The following MAP3K4 variants were observed in gnomAD, a reference collection of about 807,000 sequenced individuals.
MAP3K4 encodes mitogen-activated protein kinase kinase kinase 4, also known as MAP three kinase 1.
A neutral mutation model predicts 185.6 loss-of-function variants in MAP3K4; 67 were observed. That is an observed-to-expected ratio of 0.36 (90% confidence interval 0.30 to 0.44). The LOEUF is 0.44. MAP3K4 is among the 20% of genes least tolerant of loss of function. The pLI is 1.00. For synonymous variants in MAP3K4, 702 were observed against 710.4 expected, an observed-to-expected ratio of 0.99 and a Z score of 0.19; for missense variants, 1,551 against 1,995.1, an observed-to-expected ratio of 0.78 and a Z score of 4.24.
At position 161,086,769 on chromosome 6, in the gene MAP3K4, C is replaced by A; in HGVS notation, c.2556+102C>A. 1.2e-6 allele frequency: 1 copy of A among 846,292 alleles called. No homozygotes were observed. The highest frequency in any genetic ancestry group is 1.7e-5 in the African/African-American group (1 of 58,430). The allele number at this position is 846,292 out of a possible 1,614,324, so 52.4% of individuals were successfully genotyped here. A position where few individuals can be genotyped will look rare whatever the true frequency, so the allele number is the denominator to read the frequency against. Reference sequence around the variant, plus strand: ...AGGTCCAGATAGTAAATATTACAGGCTCTGAAGGCTGTACCACAACCCCAG... The same window carrying A: ...AGGTCCAGATAGTAAATATTACAGGATCTGAAGGCTGTACCACAACCCCAG... On this transcript the variant is annotated intron_variant, in intron 9 of 26. Transcript: ENST00000392142. The surrounding 1 kb of genome is among the most constrained non-coding windows in gnomAD (Gnocchi z 4.8).
Position 161,106,796 on chromosome 6 carries a change from C to T in MAP3K4, c.4048+91C>T. On this transcript the variant is annotated intron_variant, in intron 20 of 26. Transcript: ENST00000392142. The surrounding 1 kb of genome is among the most constrained non-coding windows in gnomAD (Gnocchi z 4.9). ...TTAGGTTGAATCCTATAGAGTTGGC[C>T]CTTTTTTCTTGTAGACATAGCAAGT... The T allele has an allele frequency of 9.4e-7, 1 of 1,061,128 alleles. No individual in the cohort carries two copies. Among genetic ancestry groups the T allele is most frequent in the Non-Finnish European group, 1.3e-6 (1 of 766,588 alleles). 65.7% of individuals were successfully genotyped at this position (1,061,128 alleles called of 1,614,324 possible).
At position 161,109,245 on chromosome 6, in the gene MAP3K4, A is replaced by G. The variant is rs1246701103; in HGVS notation, c.4236+386A>G. Among the ~76,000 whole-genome samples, 2 of 152,202 alleles carry G rather than the reference A, an allele frequency of 1.3e-5. No individual in the cohort carries two copies. The highest frequency in any genetic ancestry group is 2.9e-5 in the Non-Finnish European group (2 of 68,040). On this transcript the variant is annotated intron_variant, in intron 22 of 26. Coordinates refer to ENST00000392142, the MANE Select transcript of MAP3K4 (RefSeq NM_005922.4). The surrounding 1 kb of genome is among the most constrained non-coding windows in gnomAD (Gnocchi z 5.7). ...TTAGGGAGCCATTGTGAAATGAGAG[A>G]AAATTCAAACCTCAAATTGAGTTTC...
rs1285648303 is a variant in MAP3K4 at position 161,109,823 on chromosome 6, T to G, written c.4305T>G (p.Leu1435=). 1 of 1,614,098 alleles carries G rather than the reference T, an allele frequency of 6.2e-7. No homozygotes were observed. The highest frequency in any genetic ancestry group is 8.5e-7 in the Non-Finnish European group (1 of 1,180,010). ...TAGAAGAGGTGTCAAGGCTGGGACT[T>G]CAGGAACATGTGATTAGGCTGTATT... The part of the protein sequence containing the change: ...GTLEEVSRLG[L]QEHVIRLYSK... The change falls in exon 23 of 27, where the codon CTT becomes CTG. Residue 1435 remains leucine (L), a synonymous_variant. Transcript: ENST00000392142. The surrounding 1 kb of genome is among the most constrained non-coding windows in gnomAD (Gnocchi z 5.7).
At chr6:161,035,011 A>G (rs776465332) in intron 2 of MAP3K4, among the ~76,000 whole-genome samples, 2 of 152,016 alleles carry the variant, frequency 1.3e-5, no homozygotes, top group African/African-American at 4.8e-5. Context: ...AAGTCCACAT[A>G]TTGCTCTATT....
In MAP3K4 at chr6:161,101,637, C is replaced by G. The variant is rs1777843725; in HGVS notation, c.3675-255C>G. 1 of 336,250 alleles carries G rather than the reference C, an allele frequency of 3.0e-6. No homozygotes were observed. Among genetic ancestry groups the G allele is most frequent in the Admixed American group, 4.4e-5 (1 of 22,610 alleles). The allele number at this position is 336,250 out of a possible 1,614,324, so 20.8% of individuals were successfully genotyped here. On this transcript the variant is annotated intron_variant, in intron 17 of 26. Coordinates refer to ENST00000392142, the MANE Select transcript of MAP3K4 (RefSeq NM_005922.4). The surrounding 1 kb of genome is among the most constrained non-coding windows in gnomAD (Gnocchi z 5.1). Reference sequence around the variant, plus strand: ...CCAGACTCTAGAGCTCTAACAGACTCCAGAGGACGGTCTCCACAGCAGCGC... The same window carrying G: ...CCAGACTCTAGAGCTCTAACAGACTGCAGAGGACGGTCTCCACAGCAGCGC...
chr6:161,086,463 T>C lies in MAP3K4; in HGVS notation c.2457T>C (p.Ala819=), dbSNP rs1321613900. The C allele has an allele frequency of 1.9e-6, 3 of 1,614,016 alleles. No individual in the cohort carries two copies. Among genetic ancestry groups the C allele is most frequent in the African/African-American group, 2.7e-5 (2 of 75,060 alleles). Residue 819 remains alanine (A), a synonymous_variant, in exon 8 of 27, where the codon GCT becomes GCC. Coordinates refer to ENST00000392142, the MANE Select transcript of MAP3K4 (RefSeq NM_005922.4). The surrounding 1 kb of genome is among the most constrained non-coding windows in gnomAD (Gnocchi z 4.8). Reference sequence around the variant, plus strand: ...GGGCTTCCAAAGCACTTGGATTTGCTAAAATGTTGAGAAAGGTGAGCTTGC... The same window carrying C: ...GGGCTTCCAAAGCACTTGGATTTGCCAAAATGTTGAGAAAGGTGAGCTTGC... ...RERASKALGF[A]KMLRKDLEIA...
rs1000664856 is a variant in MAP3K4, at chr6:161,070,230, G to A, written c.1708-378G>A. Among the ~76,000 whole-genome samples the A allele has an allele frequency of 1.3e-5, 2 of 151,990 alleles. No homozygotes were observed. Reference sequence around the variant, plus strand: ...TTTCTCTAATTTCAGTAATTCTCTGGTTTTTTTCCCAGTCTAGAGATAGTT... The same window carrying A: ...TTTCTCTAATTTCAGTAATTCTCTGATTTTTTTCCCAGTCTAGAGATAGTT... On this transcript the variant is annotated intron_variant, in intron 3 of 26. Coordinates refer to ENST00000392142, the MANE Select transcript of MAP3K4 (RefSeq NM_005922.4). This position sits in a 1 kb window ranked among gnomAD's most constrained non-coding sequence, Gnocchi z 4.5.
Position 161,080,609 on chromosome 6 carries a change from T to G in MAP3K4, c.2098-272T>G. Reference sequence around the variant, plus strand: ...TGTTCTTTTGATTTTTTCCCCTTTATTGTAGATTGTGAACATTTTTGTTGT... The same window carrying G: ...TGTTCTTTTGATTTTTTCCCCTTTAGTGTAGATTGTGAACATTTTTGTTGT... On this transcript the variant is annotated intron_variant, in intron 5 of 26. Coordinates refer to ENST00000392142, the MANE Select transcript of MAP3K4 (RefSeq NM_005922.4). This position sits in a 1 kb window ranked among gnomAD's most constrained non-coding sequence, Gnocchi z 4.8. 2.5e-6 allele frequency: 1 copy of G among 392,158 alleles called. No individual in the cohort carries two copies. The highest frequency in any genetic ancestry group is 2.5e-5 in the South Asian group (1 of 40,124). 24.3% of individuals were successfully genotyped at this position (392,158 alleles called of 1,614,324 possible).
rs920792116 is a variant in MAP3K4, at chr6:161,098,606, G to A, written c.3674+179G>A. ...CAGAGGCTCTGGCACTGACCAACACGAATGGATAACTGTCTGATGTCAGTA... is the reference window on the plus strand; with the variant it reads ...CAGAGGCTCTGGCACTGACCAACACAAATGGATAACTGTCTGATGTCAGTA... On this transcript the variant is annotated intron_variant, in intron 17 of 26. Coordinates refer to ENST00000392142, the MANE Select transcript of MAP3K4 (RefSeq NM_005922.4). The surrounding 1 kb of genome is among the most constrained non-coding windows in gnomAD (Gnocchi z 4.4). Among the ~76,000 whole-genome samples, 25 of 152,206 alleles carry A rather than the reference G, an allele frequency of 1.6e-4. No individual in the cohort carries two copies. Among genetic ancestry groups the A allele is most frequent in the African/African-American group, 5.5e-4 (23 of 41,450 alleles).
At chr6:161,072,878 A>G (rs920873451) in intron 4 of MAP3K4, among the ~76,000 whole-genome samples, 4 of 152,092 alleles carry the variant, frequency 2.6e-5, no homozygotes, top group African/African-American at 9.7e-5. Context: ...TATATATTGC[A>G]AATTTGCCCA....
chr6:161,003,453 A>AT (rs1176884606), intron 1 of MAP3K4, among the ~76,000 whole-genome samples: 25 of 152,298 alleles, frequency 1.6e-4, no homozygotes, highest in African/African-American at 5.5e-4. Flanking sequence ...AGTCTCATGA[A>AT]TTTATCTTCT....
At chr6:161,105,558 T>C (rs1778028798) in intron 19 of MAP3K4, among the ~76,000 whole-genome samples, 1 of 152,188 alleles carries the variant, frequency 6.6e-6, no homozygotes. Flanking sequence ...ATCCTTCTCA[T>C]CAGAGATGGC....
chr6:161,104,709 C>CAAAAA (rs10688556), intron 19 of MAP3K4, among the ~76,000 whole-genome samples: 8 of 121,592 alleles, frequency 6.6e-5, no homozygotes, highest in African/African-American at 2.2e-4. Context: ...GACTCCATCT[C>CAAAAA]AAAAAAAAAA....
At chr6:161,024,753 T>G (rs1407536768) in intron 1 of MAP3K4, among the ~76,000 whole-genome samples, 1 of 152,198 alleles carries the variant, frequency 6.6e-6, no homozygotes, top group Non-Finnish European at 1.5e-5. Flanking sequence ...ATGTTAAGCT[T>G]GATCGCCTGT....
chr6:161,080,707 C>T lies in MAP3K4; in HGVS notation c.2098-174C>T. The T allele has an allele frequency of 1.8e-6, 1 of 546,262 alleles. No individual in the cohort carries two copies. The highest frequency in any genetic ancestry group is 3.2e-6 in the Non-Finnish European group (1 of 310,970). The allele number at this position is 546,262 out of a possible 1,614,324, so 33.8% of individuals were successfully genotyped here. A position where few individuals can be genotyped will look rare whatever the true frequency, so the allele number is the denominator to read the frequency against. On this transcript the variant is annotated intron_variant, in intron 5 of 26. Transcript: ENST00000392142. This position sits in a 1 kb window ranked among gnomAD's most constrained non-coding sequence, Gnocchi z 4.8. ...TAGTTTTGTGATTTTTTAAAAAATC[C>T]TCATTTAGACCTCAGCTAACAGTGG...
chr6:161,010,229 C>T (rs1255191974), intron 1 of MAP3K4, among the ~76,000 whole-genome samples: 1 of 152,038 alleles, frequency 6.6e-6, no homozygotes, highest in Non-Finnish European at 1.5e-5. Context: ...CTATATGCAC[C>T]ACATGAGATG....
At position 161,025,597 on chromosome 6, in the gene MAP3K4, G is replaced by T. The variant is rs138658715; in HGVS notation, c.153-8662G>T. 1.2e-4 allele frequency among the ~76,000 whole-genome samples: 18 copies of T among 152,280 alleles called. No individual in the cohort carries two copies. The East Asian group carries it at 3.3e-3, about 28-fold the overall frequency. ...AGTAACTTCAGCTAAGGAGATCCAG[G>T]CAGCTCATCTGTCCCCTACAGAGAT... On this transcript the variant is annotated intron_variant, in intron 1 of 26. Coordinates refer to ENST00000392142, the MANE Select transcript of MAP3K4 (RefSeq NM_005922.4).
In MAP3K4 at chr6:161,112,367, G is replaced by A. The variant is rs56028154; in HGVS notation, c.4520-301G>A. Among the ~76,000 whole-genome samples the A allele has an allele frequency of 1.9e-4, 29 of 152,206 alleles. No individual in the cohort carries two copies. Among genetic ancestry groups the A allele is most frequent in the South Asian group, 4.2e-4 (2 of 4,808 alleles). On this transcript the variant is annotated intron_variant, in intron 24 of 26. Transcript: ENST00000392142. This position sits in a 1 kb window ranked among gnomAD's most constrained non-coding sequence, Gnocchi z 5.1. The stretch of plus-strand genomic sequence containing the variant: ...CACTATGATTAAATGGTAATGATTC[G>A]TTTTGATCACTTAGTGCCATGAAAT...
Position 161,047,117 on chromosome 6 carries a change from CATATATAT to C in MAP3K4, c.344-1478_344-1471del, listed in dbSNP as rs3050257. On this transcript the variant is annotated intron_variant, in intron 2 of 26. Coordinates refer to ENST00000392142, the MANE Select transcript of MAP3K4 (RefSeq NM_005922.4). ...TATGTAGATATATATTTCACTTATG[CATATATAT>C]ATATATATATATATATATATGTTTA... 2.7e-3 allele frequency among the ~76,000 whole-genome samples: 367 copies of C among 134,900 alleles called. 2 individuals are homozygous for C. Among genetic ancestry groups the C allele is most frequent in the South Asian group, 9.5e-3 (41 of 4,308 alleles). The allele number at this position is 134,900 out of a possible 152,430, so 88.5% of individuals were successfully genotyped here.
Sources: gnomAD v4.1 joint callset for allele counts (sites outside exome capture counted in the v4.1 genomes callset) on GRCh38, gnomAD v4.1.1 for gene constraint, Gnocchi (gnomAD v3.1) non-coding constraint, MANE v1.5 for transcripts, NCBI Gene and HGNC (gene_info 2026-07-23, HGNC 2026-07-21) for gene names.